Variants in STK3 observed in about 807,000 individuals in gnomAD.
STK3 encodes serine/threonine-protein kinase 3.
Under a neutral mutation model 58.0 loss-of-function variants are expected in STK3, and 41 were observed. The observed-to-expected ratio is 0.71, with a 90% CI of 0.55 to 0.92. The LOEUF (loss-of-function observed/expected upper bound fraction) is 0.92. Ranked by LOEUF, STK3 falls within the 40% of genes least tolerant of loss-of-function variation. STK3 has a pLI of 0.00. For missense variants in STK3, 479 were observed against 602.7 expected, an observed-to-expected ratio of 0.79 and a Z score of 2.15; for synonymous variants, 170 against 191.0, an observed-to-expected ratio of 0.89 and a Z score of 0.91.
At chr8:98,910,671 A>T (rs773750601) in intron 1 of STK3, among the ~76,000 whole-genome samples, 8 of 152,230 alleles carry the variant, frequency 5.3e-5, no homozygotes, top group Non-Finnish European at 8.8e-5. Context: ...ATTGGATGAC[A>T]TTAGTCCCTG....
At chr8:98,644,776 T>C (rs1381373108) in intron 6 of STK3, among the ~76,000 whole-genome samples, 1 of 152,196 alleles carries the variant, frequency 6.6e-6, no homozygotes, top group African/African-American at 2.4e-5. Context: ...TTTAATATCA[T>C]CCCTACACAT....
At chr8:98,355,899 G>C in the STK3 span, among the ~76,000 whole-genome samples, 1 of 152,220 alleles carries the variant, frequency 6.6e-6, no homozygotes, top group Non-Finnish European at 1.5e-5. Context: ...TTTAATTACT[G>C]GTGAAGGGGC....
chr8:98,870,530 C>T (rs1564073595), intron 3 of STK3, among the ~76,000 whole-genome samples: 1 of 152,180 alleles, frequency 6.6e-6, no homozygotes, highest in Admixed American at 6.6e-5. Context: ...TCAATGATTG[C>T]CATTCTAACT....
Position 98,706,561 on chromosome 8 carries a change from C to T in STK3, c.590G>A (p.Gly197Asp), listed in dbSNP as rs1402037240. The T allele has an allele frequency of 1.9e-6, 3 of 1,613,628 alleles. No homozygotes were observed. The highest frequency in any genetic ancestry group is 1.3e-5 in the African/African-American group (1 of 74,890). ...CCAGATGTCGGCCACACAGTTATAG[C>T]CTATTTCTTGAATCACCTCAGGAGC... is the stretch of plus-strand genomic sequence containing the variant. ...WMAPEVIQEI[G>D]YNCVADIWSL... Residue 197 changes from glycine (G) to aspartate (D), a missense_variant, in exon 6 of 11, where the codon GGC (glycine) becomes GAC (aspartate). Transcript: ENST00000419617.
chr8:98,521,681 C>T (rs868145374), intron 10 of STK3, among the ~76,000 whole-genome samples: 1 of 152,070 alleles, frequency 6.6e-6, no homozygotes, highest in African/African-American at 2.4e-5. Context: ...TTTTATCTCT[C>T]GTATTTTTCC....
intron 6 of STK3, among the ~76,000 whole-genome samples, chr8:98,630,661 A>AAGGAGGAGAAGG (rs546159880): frequency 6.7e-6 from 1 of 148,782 alleles, no homozygotes; most frequent in African/African-American, 2.5e-5. Flanking sequence ...GGAGAAGGAG[A>AAGGAGGAGAAGG]AGGAGAAGGA....
At chr8:98,895,909 A>G (rs1051483122) in intron 1 of STK3, among the ~76,000 whole-genome samples, 2 of 152,158 alleles carry the variant, frequency 1.3e-5, no homozygotes, top group African/African-American at 4.8e-5. Flanking sequence ...TATTTATTGA[A>G]TACTACTATG....
At chr8:98,614,893 C>T (rs977725954) in intron 6 of STK3, among the ~76,000 whole-genome samples, 2 of 152,166 alleles carry the variant, frequency 1.3e-5, no homozygotes, top group African/African-American at 4.8e-5. Context: ...GAGGGGAGCC[C>T]GCCATTGCCC....
intron 6 of STK3, among the ~76,000 whole-genome samples, chr8:98,669,247 G>T (rs532047875): frequency 2.0e-5 from 3 of 151,912 alleles, no homozygotes; most frequent in African/African-American, 4.8e-5. Context: ...CACCCACCTC[G>T]GCCTCCCAAA....
intron 7 of STK3, among the ~76,000 whole-genome samples, chr8:98,586,441 T>C (rs1190003391): frequency 1.3e-5 from 2 of 150,662 alleles, no homozygotes; most frequent in East Asian, 1.9e-4. Context: ...ATCCCAGGGA[T>C]GAAGCCCACT....
intron 6 of STK3, among the ~76,000 whole-genome samples, chr8:98,693,509 C>A (rs1159216864): frequency 6.6e-6 from 1 of 152,062 alleles, no homozygotes; most frequent in African/African-American, 2.4e-5. Flanking sequence ...TTGCAGGCAG[C>A]CACCAAGAGC....
At chr8:98,516,075 C>A (rs1224230608) in intron 10 of STK3, among the ~76,000 whole-genome samples, 1 of 152,072 alleles carries the variant, frequency 6.6e-6, no homozygotes, top group Non-Finnish European at 1.5e-5. Flanking sequence ...ACTTCACACA[C>A]CATTTTCAAT....
rs1814005312 is a variant in STK3, at chr8:98,582,467, G to A, written c.823-2678C>T. Among the ~76,000 whole-genome samples the A allele has an allele frequency of 3.3e-5, 5 of 151,642 alleles. No homozygotes were observed. The South Asian group carries it at 1.0e-3, about 31-fold the overall frequency. ...AAATATTCTCCTATATTAACCCCTAGTTCTTTCCTATTTCCATTTTTTGTT... is the reference window on the plus strand; with the variant it reads ...AAATATTCTCCTATATTAACCCCTAATTCTTTCCTATTTCCATTTTTTGTT... On this transcript the variant is annotated intron_variant, in intron 7 of 10. Transcript: ENST00000419617.
intron 7 of STK3, among the ~76,000 whole-genome samples, chr8:98,590,298 A>G (rs944200314): frequency 1.4e-4 from 21 of 152,218 alleles, no homozygotes; most frequent in Non-Finnish European, 2.9e-4. Flanking sequence ...CTGAGCCTCA[A>G]TGTGCCCTGA....
chr8:98,370,276 T>C (rs1050988756), downstream of STK3, among the ~76,000 whole-genome samples: 14 of 151,398 alleles, frequency 9.2e-5, no homozygotes, highest in African/African-American at 2.7e-4. Flanking sequence ...GGAACTTTCA[T>C]TCTTTTAGGA....
At chr8:98,466,094 C>T (rs1469940679) in intron 10 of STK3, among the ~76,000 whole-genome samples, 2 of 152,094 alleles carry the variant, frequency 1.3e-5, no homozygotes, top group African/African-American at 4.8e-5. Context: ...CTTATCTCAG[C>T]GATTCTGATT....
chr8:98,507,737 T>C (rs1433982315), intron 10 of STK3, among the ~76,000 whole-genome samples: 2 of 152,202 alleles, frequency 1.3e-5, no homozygotes, highest in African/African-American at 4.8e-5. Flanking sequence ...ATCACTTTAG[T>C]GTTCCCCCAA....
intron 3 of STK3, among the ~76,000 whole-genome samples, chr8:98,841,053 G>C (rs1319631833): frequency 7.9e-5 from 12 of 152,336 alleles, no homozygotes; most frequent in Non-Finnish European, 8.8e-5. Flanking sequence ...CGTCTCTAGA[G>C]GGCAGCACTC....
chr8:98,759,519 C>A (rs144874660), intron 3 of STK3, among the ~76,000 whole-genome samples: 1 of 151,840 alleles, frequency 6.6e-6, no homozygotes, highest in Non-Finnish European at 1.5e-5. Context: ...ATAATGAAAA[C>A]GTCTGAAATA....
Sources: allele counts gnomAD v4.1 joint callset (sites outside exome capture counted in the v4.1 genomes callset), GRCh38; gene constraint gnomAD v4.1.1; transcripts MANE v1.5; gene names NCBI Gene and HGNC (gene_info 2026-07-23, HGNC 2026-07-21).